Variants in KTN1 observed in about 807,000 individuals in gnomAD.
KTN1 encodes the protein kinectin.
KTN1 carries 130 observed loss-of-function variants against 222.5 expected under a neutral mutation model. That is an observed-to-expected ratio of 0.58 (90% CI 0.51 to 0.68). The LOEUF (loss-of-function observed/expected upper bound fraction) is 0.68. Among genes scored for constraint, KTN1 ranks in the 30% least tolerant of loss-of-function variants. KTN1 has a pLI of 0.00. For synonymous variants in KTN1, 512 were observed against 496.3 expected, an observed-to-expected ratio of 1.03 and a Z score of -0.42; for missense variants, 1,508 against 1,500.4, an observed-to-expected ratio of 1.01 and a Z score of -0.08.
chr14:55,592,112 G>T (rs1243641364), intron 1 of KTN1, among the ~76,000 whole-genome samples: 1 of 152,166 alleles, frequency 6.6e-6, no homozygotes, highest in Admixed American at 6.5e-5. Flanking sequence ...AAATTTTAAT[G>T]TAGTTGAATT....
chr14:55,665,708 T>A (rs1256895750), intron 33 of KTN1, among the ~76,000 whole-genome samples: 1 of 152,074 alleles, frequency 6.6e-6, no homozygotes. Flanking sequence ...GAAACTCTTA[T>A]ACATTTCACT....
At chr14:55,648,250 CT>C (rs1737367437) in intron 20 of KTN1, 135 bp downstream of exon 20, 3 of 429,016 alleles carry the variant, frequency 7.0e-6, no homozygotes, top group South Asian at 3.4e-5. Flanking sequence ...TTATATAATG[CT>C]TTTTTAATTA....
At chr14:55,678,293 A>AT (rs2046056933) in intron 41 of KTN1, 59 bp from the exon 42 acceptor site, 7 of 982,996 alleles carry the variant, frequency 7.1e-6, no homozygotes, top group South Asian at 4.4e-5. Flanking sequence ...AAAATTATTC[A>AT]TTTTTTATGT....
At chr14:55,670,846 T>C in intron 35 of KTN1, 37 bp downstream of exon 35, 1 of 1,374,316 alleles carries the variant, frequency 7.3e-7, no homozygotes, top group Non-Finnish European at 1.0e-6. Flanking sequence ...AATTTAAACA[T>C]AGAAAAAAGA....
intron 29 of KTN1, among the ~76,000 whole-genome samples, chr14:55,657,627 T>A (rs1334964967): frequency 6.6e-6 from 1 of 152,116 alleles, no homozygotes; most frequent in Non-Finnish European, 1.5e-5. Context: ...AAAAATGTAT[T>A]CGGCTGGGTG....
rs190850089 is a variant in KTN1, at chr14:55,644,933, C to G, written c.2173-2040C>G. Among the ~76,000 whole-genome samples the G allele has an allele frequency of 2.0e-5, 3 of 152,188 alleles. No homozygotes were observed. In the East Asian group the frequency reaches 5.8e-4, roughly 29 times the overall value. On this transcript the variant is annotated intron_variant, in intron 18 of 43. Coordinates refer to ENST00000395314, the MANE Select transcript of KTN1 (RefSeq NM_001079521.2). ...TGGAACTTCATTAAAAAAAATTCAT[C>G]AAATACTTATTTACTAGTTGAGTAT...
Position 55,612,579 on chromosome 14 carries a change from A to G in KTN1, c.523+8A>G, listed in dbSNP as rs751326365. On this transcript the variant is annotated splice_region_variant and intron_variant, in intron 2 of 43. Transcript: ENST00000395314. ...AGTCTAAAAATGGAAGCGGTATTGT[A>G]ATCTATTTAATCTATTTAATTTTAT... 6.5e-7 allele frequency: 1 copy of G among 1,542,892 alleles called. No homozygotes were observed. Among genetic ancestry groups the G allele is most frequent in the Non-Finnish European group, 8.7e-7 (1 of 1,150,158 alleles).
chr14:55,672,133 T>C (rs2045507412), intron 37 of KTN1: 1 of 374,228 alleles, frequency 2.7e-6, no homozygotes, highest in African/African-American at 2.1e-5. Flanking sequence ...TACAGAACTA[T>C]TGTGTGATAA....
chr14:55,587,862 T>C (rs1258227034), intron 1 of KTN1, among the ~76,000 whole-genome samples: 2 of 152,220 alleles, frequency 1.3e-5, no homozygotes, highest in African/African-American at 4.8e-5. Flanking sequence ...TTTGCTGTAA[T>C]TTTAAGTTTA....
At chr14:55,619,997 C>T (rs2140767618) in intron 5 of KTN1, among the ~76,000 whole-genome samples, 1 of 152,064 alleles carries the variant, frequency 6.6e-6, no homozygotes, top group African/African-American at 2.4e-5. Flanking sequence ...AAATCAGAAG[C>T]AACTTAGTTA....
chr14:55,591,210 A>G (rs554886487), intron 1 of KTN1, among the ~76,000 whole-genome samples: 2 of 152,260 alleles, frequency 1.3e-5, no homozygotes, highest in South Asian at 2.1e-4. Flanking sequence ...AACACATTTT[A>G]AATTATGACT....
intron 9 of KTN1, among the ~76,000 whole-genome samples, chr14:55,635,436 A>G (rs2041010483): frequency 6.6e-6 from 1 of 152,148 alleles, no homozygotes; most frequent in Admixed American, 6.5e-5. Flanking sequence ...CAGCACTGGA[A>G]TAGGTAGTTT....
intron 43 of KTN1, 43 bp downstream of exon 43, chr14:55,679,728 T>A: frequency 6.3e-7 from 1 of 1,585,340 alleles, no homozygotes; most frequent in South Asian, 1.1e-5. Context: ...TAATTGATGT[T>A]ATGTGTCTGT....
At chr14:55,654,344 C>G (rs1029182114) in intron 28 of KTN1, among the ~76,000 whole-genome samples, 1 of 130,454 alleles carries the variant, frequency 7.7e-6, no homozygotes, top group Non-Finnish European at 1.7e-5. Flanking sequence ...TATTATCTTT[C>G]TAAAAGGGAG....
At chr14:55,630,805 G>A (rs1248017542) in intron 7 of KTN1, among the ~76,000 whole-genome samples, 1 of 152,168 alleles carries the variant, frequency 6.6e-6, no homozygotes, top group Non-Finnish European at 1.5e-5. Flanking sequence ...AGTGGAGCAA[G>A]GGATAGTTGG....
chr14:55,658,769 C>G (rs1215448653), intron 30 of KTN1, among the ~76,000 whole-genome samples, 155 bp downstream of exon 30: 3 of 152,146 alleles, frequency 2.0e-5, no homozygotes, highest in African/African-American at 7.2e-5. Flanking sequence ...AAGCAACTTG[C>G]TATGTCATAT....
At chr14:55,625,585 G>A (rs2039705248) in intron 5 of KTN1, among the ~76,000 whole-genome samples, 1 of 151,914 alleles carries the variant, frequency 6.6e-6, no homozygotes, top group Non-Finnish European at 1.5e-5. Context: ...TTTAATGGTG[G>A]GTCCAGATCT....
intron 1 of KTN1, among the ~76,000 whole-genome samples, chr14:55,605,573 A>G (rs1265421984): frequency 8.5e-5 from 13 of 152,144 alleles, no homozygotes; most frequent in Admixed American, 7.2e-4. Context: ...AAGATCATGC[A>G]AGTAGTTTGG....
In KTN1 at chr14:55,640,958, A is replaced by G; in HGVS notation, c.2009A>G (p.Lys670Arg). The change falls in exon 16 of 44, where the codon AAG becomes AGG. Residue 670 changes from lysine to arginine, a missense_variant. Coordinates refer to ENST00000395314, the MANE Select transcript of KTN1 (RefSeq NM_001079521.2). Reference sequence around the variant, plus strand: ...GCTGCTGCTGCACATGAATTGGAGAAGATGCAACAAAGGTGACTAAAGTAT... The same window carrying G: ...GCTGCTGCTGCACATGAATTGGAGAGGATGCAACAAAGGTGACTAAAGTAT... ...EQAAAAHELE[K>R]MQQSVYVKDD... 2 of 1,611,606 alleles carry G rather than the reference A, an allele frequency of 1.2e-6. No individual in the cohort carries two copies. The highest frequency in any genetic ancestry group is 1.7e-6 in the Non-Finnish European group (2 of 1,178,184).
Sources: allele counts gnomAD v4.1 joint callset (sites outside exome capture counted in the v4.1 genomes callset), GRCh38; gene constraint gnomAD v4.1.1; transcripts MANE v1.5; gene names NCBI Gene and HGNC (gene_info 2026-07-23, HGNC 2026-07-21).